PRRT3: variants seen among roughly 807,000 people sequenced by gnomAD.
The protein encoded by PRRT3 is proline-rich transmembrane protein 3.
Under a neutral mutation model 56.6 loss-of-function variants are expected in PRRT3, and 48 were observed. That is an observed-to-expected ratio of 0.85 (90% CI 0.67 to 1.08). The LOEUF (loss-of-function observed/expected upper bound fraction) is 1.08, where lower values mean the gene tolerates loss of function less well. PRRT3 is among the 50% of genes least tolerant of loss of function. The pLI, the probability that PRRT3 is intolerant of heterozygous loss-of-function variation, is 0.00. For synonymous variants in PRRT3, 641 were observed against 619.1 expected (o/e 1.04, Z -0.52); for missense variants, 1,370 against 1,353.1 (o/e 1.01, Z -0.20).
In PRRT3 at chr3:9,947,396, T is replaced by C. The variant is rs2085544821; in HGVS notation, c.1777A>G (p.Thr593Ala). Reference sequence around the variant, plus strand: ...GTCAGGAGGTTGAGCACAGACCATGTGGACAGCAGGTCTGTCGCGAGCAAC... The same window carrying C: ...GTCAGGAGGTTGAGCACAGACCATGCGGACAGCAGGTCTGTCGCGAGCAAC... ...VGLLATDLLSTWSVLNLLTQG... is the reference protein window; with the variant it reads ...VGLLATDLLSAWSVLNLLTQG... Residue 593 changes from threonine (T) to alanine (A), a missense_variant, in exon 4 of 4, where the codon ACA (threonine) becomes GCA (alanine). Transcript: ENST00000412055. The surrounding 1 kb of genome is among the most constrained non-coding windows in gnomAD (Gnocchi z 9.2). 6.2e-7 allele frequency: 1 copy of C among 1,612,230 alleles called. No homozygotes were observed. Among genetic ancestry groups the C allele is most frequent in the South Asian group, 1.1e-5 (1 of 91,078 alleles).
Position 9,947,170 on chromosome 3 carries a change from A to G in PRRT3, c.2003T>C (p.Val668Ala). The change falls in exon 4 of 4, where the codon GTG becomes GCG. Residue 668 changes from valine to alanine, a missense_variant. Physicochemically the swap from Val to Ala is moderately conservative, Grantham distance 64. Transcript: ENST00000412055. The surrounding 1 kb of genome is among the most constrained non-coding windows in gnomAD (Gnocchi z 9.2). Reference protein sequence around the residue: ...ALWLYPGPGRVGRFSWAWWGV... With the variant: ...ALWLYPGPGRAGRFSWAWWGV... ...CCACCAGGCCCACGAGAAGCGGCCCACGCGGCCTGGGCCCGGGTACAGCCA... is the reference window on the plus strand; with the variant it reads ...CCACCAGGCCCACGAGAAGCGGCCCGCGCGGCCTGGGCCCGGGTACAGCCA... 1.3e-6 allele frequency: 2 copies of G among 1,533,622 alleles called. No homozygotes were observed. The highest frequency in any genetic ancestry group is 1.7e-6 in the Non-Finnish European group (2 of 1,145,684).
chr3:9,948,430 TG>T, intron 3 of PRRT3: 2 of 431,754 alleles, frequency 4.6e-6, no homozygotes, highest in East Asian at 7.3e-5. Context: ...CCAGGACAAG[TG>T]ATCTCCCACC....
chr3:9,950,110 G>A lies in PRRT3; in HGVS notation c.6C>T (p.Ala2=). ...CACATACACAGCCCCATGGGCTGGA[G>A]GCCATGGTCTACTCCGATGCCTGGG... M[A]SSPWGCVCGL... Residue 2 remains alanine (A), a synonymous_variant, in exon 2 of 4, where the codon GCC becomes GCT. Coordinates refer to ENST00000412055, the MANE Select transcript of PRRT3 (RefSeq NM_207351.5). 1 of 1,477,610 alleles carries A rather than the reference G, an allele frequency of 6.8e-7. No individual in the cohort carries two copies. The allele number at this position is 1,477,610 out of a possible 1,614,324, so 91.5% of individuals were successfully genotyped here.
rs1018419410 is a variant in PRRT3, at chr3:9,945,593, C to T, written c.*634G>A. On this transcript the variant is annotated 3_prime_UTR_variant, in exon 4 of 4. Transcript: ENST00000412055. ...GCACAAAGAGGACAATCTAGACAAG[C>T]GAGGCTCATCACTCCACGTTGGGGA... is the stretch of plus-strand genomic sequence containing the variant. 5.9e-5 allele frequency: 9 copies of T among 152,926 alleles called. No homozygotes were observed. Among genetic ancestry groups the T allele is most frequent in the Non-Finnish European group, 7.3e-5 (5 of 68,314 alleles). 9.5% of individuals were successfully genotyped at this position (152,926 alleles called of 1,614,324 possible).
Position 9,949,952 on chromosome 3 carries a change from G to A in PRRT3, c.164C>T (p.Pro55Leu). Residue 55 changes from proline (P) to leucine (L), a missense_variant, in exon 2 of 4, where the codon CCC (proline) becomes CTC (leucine). Physicochemically the swap from Pro to Leu is moderately conservative, Grantham distance 98. Transcript: ENST00000412055. The surrounding 1 kb of genome is among the most constrained non-coding windows in gnomAD (Gnocchi z 4.5). ...AHPKGSVGSE[P>L]QAFDVFPENP... is the part of the protein sequence containing the mutation. Reference sequence around the variant, plus strand: ...CTCCGGGAACACGTCAAAGGCCTGGGGCTCTGAGCCCACAGAGCCCTTGGG... The same window carrying A: ...CTCCGGGAACACGTCAAAGGCCTGGAGCTCTGAGCCCACAGAGCCCTTGGG... 1.3e-6 allele frequency: 2 copies of A among 1,588,156 alleles called. No homozygotes were observed. Among genetic ancestry groups the A allele is most frequent in the African/African-American group, 1.4e-5 (1 of 73,620 alleles).
In PRRT3 at chr3:9,948,910, C is replaced by G. The variant is rs1254262760; in HGVS notation, c.1019G>C (p.Arg340Thr). 1.9e-6 allele frequency: 3 copies of G among 1,572,326 alleles called. No individual in the cohort carries two copies. The highest frequency in any genetic ancestry group is 1.4e-5 in the African/African-American group (1 of 73,250). Residue 340 changes from arginine to threonine, a missense_variant, in exon 3 of 4, where the codon AGA becomes ACA. Coordinates refer to ENST00000412055, the MANE Select transcript of PRRT3 (RefSeq NM_207351.5). ...GGGGTCTGCTCCATTCATTGCTGCT[C>G]TCTCTGAAATGACAAAGCAGTCATC... ...EAPDRPSKPE[R>T]AAMNGADPIS...
In PRRT3 at chr3:9,947,892, G is replaced by A; in HGVS notation, c.1281C>T (p.Ala427=). Reference sequence around the variant, plus strand: ...GCTCCGGAGGGGGAGGCTGGCCCAGGGCTCGCTGCGTGGTGACTCGAATGA... The same window carrying A: ...GCTCCGGAGGGGGAGGCTGGCCCAGAGCTCGCTGCGTGGTGACTCGAATGA... The part of the protein sequence containing the change: ...RGLIRVTTQR[A]LGQPPPPEPT... Residue 427 remains alanine (A), a synonymous_variant, in exon 4 of 4, where the codon GCC becomes GCT. Transcript: ENST00000412055. The surrounding 1 kb of genome is among the most constrained non-coding windows in gnomAD (Gnocchi z 9.2). The A allele has an allele frequency of 7.0e-7, 1 of 1,428,560 alleles. No homozygotes were observed. The highest frequency in any genetic ancestry group is 9.1e-7 in the Non-Finnish European group (1 of 1,093,014). The allele number at this position is 1,428,560 out of a possible 1,614,324, so 88.5% of individuals were successfully genotyped here. A position where few individuals can be genotyped will look rare whatever the true frequency, so the allele number is the denominator to read the frequency against.
chr3:9,947,957 C>T lies in PRRT3; in HGVS notation c.1216G>A (p.Ala406Thr). The change falls in exon 4 of 4, where the codon GCA becomes ACA. Residue 406 changes from alanine (A) to threonine (T), a missense_variant. Ala to Thr is a moderately conservative substitution (Grantham distance 58). Coordinates refer to ENST00000412055, the MANE Select transcript of PRRT3 (RefSeq NM_207351.5). The surrounding 1 kb of genome is among the most constrained non-coding windows in gnomAD (Gnocchi z 9.2). Reference protein sequence around the residue: ...WPGRPQSHPPAPPVQAPSTSR... With the variant: ...WPGRPQSHPPTPPVQAPSTSR... ...GTCGAGGGGGCCTGGACTGGGGGTG[C>T]TGGGGGATGGCTTTGGGGGCGCCCC... The T allele has an allele frequency of 7.2e-7, 1 of 1,379,854 alleles. No homozygotes were observed. The highest frequency in any genetic ancestry group is 2.8e-5 in the East Asian group (1 of 36,236). 85.5% of individuals were successfully genotyped at this position (1,379,854 alleles called of 1,614,324 possible).
chr3:9,950,104 G>GTTGGA lies in PRRT3; in HGVS notation c.11_12insTCCAA (p.Trp6ThrfsTer38). Reference sequence around the variant, plus strand: ...GAAGGCCACATACACAGCCCCATGGGCTGGAGGCCATGGTCTACTCCGATG... The same window carrying GTTGGA: ...GAAGGCCACATACACAGCCCCATGGGTTGGACTGGAGGCCATGGTCTACTCCGATG... On this transcript the variant is annotated frameshift_variant, in exon 2 of 4. Coordinates refer to ENST00000412055, the MANE Select transcript of PRRT3 (RefSeq NM_207351.5). LOFTEE classifies it high-confidence loss of function. 6.7e-7 allele frequency: 1 copy of GTTGGA among 1,483,332 alleles called. No individual in the cohort carries two copies. The highest frequency in any genetic ancestry group is 1.5e-5 in the South Asian group (1 of 65,048). The allele number at this position is 1,483,332 out of a possible 1,614,324, so 91.9% of individuals were successfully genotyped here.
rs1187700762 is a variant in PRRT3 at position 9,949,853 on chromosome 3, A to G, written c.263T>C (p.Val88Ala). 1 of 1,613,660 alleles carries G rather than the reference A, an allele frequency of 6.2e-7. No individual in the cohort carries two copies. Among genetic ancestry groups the G allele is most frequent in the South Asian group, 1.1e-5 (1 of 91,062 alleles). ...CAGGGCTGGGCCAAGGGGAGAGGCT[A>G]CAGGCTTCTCAGGCATCTCTTCAGC... ...APAEEMPEKP[V>A]ASPLGPALYG... is the part of the protein sequence containing the mutation. The change falls in exon 2 of 4, where the codon GTA becomes GCA. Residue 88 changes from valine to alanine, a missense_variant. Coordinates refer to ENST00000412055, the MANE Select transcript of PRRT3 (RefSeq NM_207351.5). The surrounding 1 kb of genome is among the most constrained non-coding windows in gnomAD (Gnocchi z 4.5).
Position 9,947,500 on chromosome 3 carries a change from A to C in PRRT3, c.1673T>G (p.Leu558Arg), listed in dbSNP as rs1199807288. Reference sequence around the variant, plus strand: ...TGGCGGCAGCCCCGCGCCCAGGCCGAGCAGAGTCAGGGCTGCCAGCGCCGT... The same window carrying C: ...TGGCGGCAGCCCCGCGCCCAGGCCGCGCAGAGTCAGGGCTGCCAGCGCCGT... ...LLTALAALTL[L>R]GLGAGLPPPL... is the part of the protein sequence containing the mutation. Residue 558 changes from leucine (L) to arginine (R), a missense_variant, in exon 4 of 4, where the codon CTC becomes CGC. Transcript: ENST00000412055. This position sits in a 1 kb window ranked among gnomAD's most constrained non-coding sequence, Gnocchi z 9.2. 1 of 1,611,968 alleles carries C rather than the reference A, an allele frequency of 6.2e-7. No homozygotes were observed. Among genetic ancestry groups the C allele is most frequent in the Non-Finnish European group, 8.5e-7 (1 of 1,179,598 alleles).
At chr3:9,950,593 C>A (rs1559344809) in intron 1 of PRRT3, among the ~76,000 whole-genome samples, 2 of 152,230 alleles carry the variant, frequency 1.3e-5, no homozygotes, top group South Asian at 4.1e-4. Flanking sequence ...ACCTCCACCT[C>A]CCAGGTTCAA....
At position 9,947,651 on chromosome 3, in the gene PRRT3, C is replaced by A; in HGVS notation, c.1522G>T (p.Val508Leu). 1 of 1,571,370 alleles carries A rather than the reference C, an allele frequency of 6.4e-7. No individual in the cohort carries two copies. The highest frequency in any genetic ancestry group is 8.6e-7 in the Non-Finnish European group (1 of 1,160,354). ...AGCGCCGAAGCCACGAGCACCAGCA[C>A]CGCGGCCACCAATGCCAGCCGGGGC... ...AGPRLALVAA[V>L]LVLVASALRS... The change falls in exon 4 of 4, where the codon GTG (valine) becomes TTG (leucine). Residue 508 changes from valine (V) to leucine (L), a missense_variant. Coordinates refer to ENST00000412055, the MANE Select transcript of PRRT3 (RefSeq NM_207351.5). The surrounding 1 kb of genome is among the most constrained non-coding windows in gnomAD (Gnocchi z 9.2).
chr3:9,947,187 G>A lies in PRRT3; in HGVS notation c.1986C>T (p.Tyr662=), dbSNP rs2085540493. ...GLQLAAALWL[Y]PGPGRVGRFS... ...AGCGGCCCACGCGGCCTGGGCCCGG[G>A]TACAGCCAGAGCGCAGCCGCCAGCT... Residue 662 remains tyrosine, a synonymous_variant, in exon 4 of 4, where the codon TAC becomes TAT. Transcript: ENST00000412055. The surrounding 1 kb of genome is among the most constrained non-coding windows in gnomAD (Gnocchi z 9.2). 2.0e-6 allele frequency: 3 copies of A among 1,529,858 alleles called. No individual in the cohort carries two copies. Among genetic ancestry groups the A allele is most frequent in the Non-Finnish European group, 2.6e-6 (3 of 1,144,252 alleles). 94.8% of individuals were successfully genotyped at this position (1,529,858 alleles called of 1,614,324 possible).
In PRRT3 at chr3:9,945,821, C is replaced by CTTTTT. The variant is rs71052278; in HGVS notation, c.*401_*405dup. On this transcript the variant is annotated 3_prime_UTR_variant, in exon 4 of 4. Coordinates refer to ENST00000412055, the MANE Select transcript of PRRT3 (RefSeq NM_207351.5). ...GTCAGGTAGAGAGGCCTGGGGATGCCTTTTTTTTTTTTTTTTTTTTTTTTT... is the reference window on the plus strand; with the variant it reads ...GTCAGGTAGAGAGGCCTGGGGATGCCTTTTTTTTTTTTTTTTTTTTTTTTTTTTTT... The CTTTTT allele has an allele frequency of 8.8e-5, 5 of 56,980 alleles. No individual in the cohort carries two copies. Among genetic ancestry groups the CTTTTT allele is most frequent in the African/African-American group, 2.6e-4 (4 of 15,606 alleles). The allele number at this position is 56,980 out of a possible 1,614,324, so 3.5% of individuals were successfully genotyped here.
chr3:9,947,335 G>C lies in PRRT3; in HGVS notation c.1838C>G (p.Ala613Gly). ...ACGGCACAGGCAGAGCGTGCCCAGA[G>C]CCACGGCCGCGCCCCAGGCGCACGA... ...GLSCAWGAAV[A>G]LGTLCLCRRR... The change falls in exon 4 of 4, where the codon GCT becomes GGT. Residue 613 changes from alanine to glycine, a missense_variant. Physicochemically the swap from Ala to Gly is moderately conservative, Grantham distance 60. Coordinates refer to ENST00000412055, the MANE Select transcript of PRRT3 (RefSeq NM_207351.5). This position sits in a 1 kb window ranked among gnomAD's most constrained non-coding sequence, Gnocchi z 9.2. 1 of 1,607,484 alleles carries C rather than the reference G, an allele frequency of 6.2e-7. No homozygotes were observed. Among genetic ancestry groups the C allele is most frequent in the Non-Finnish European group, 8.5e-7 (1 of 1,178,316 alleles).
In PRRT3 at chr3:9,950,105, C is replaced by G. The variant is rs748738177; in HGVS notation, c.11G>C (p.Ser4Thr). The stretch of plus-strand genomic sequence containing the variant: ...AAGGCCACATACACAGCCCCATGGG[C>G]TGGAGGCCATGGTCTACTCCGATGC... MAS[S>T]PWGCVCGLLL... is the part of the protein sequence containing the mutation. The change falls in exon 2 of 4, where the codon AGC becomes ACC. Residue 4 changes from serine (S) to threonine (T), a missense_variant. Transcript: ENST00000412055. The G allele has an allele frequency of 7.0e-5, 104 of 1,482,902 alleles. No individual in the cohort carries two copies. The highest frequency in any genetic ancestry group is 8.3e-5 in the Non-Finnish European group (93 of 1,117,524). 91.9% of individuals were successfully genotyped at this position (1,482,902 alleles called of 1,614,324 possible).
rs2085633447 is a variant in PRRT3 at position 9,952,361 on chromosome 3, C to G, written c.-97G>C. On this transcript the variant is annotated 5_prime_UTR_variant, in exon 1 of 4. Transcript: ENST00000412055. Reference sequence around the variant, plus strand: ...CCCCGTGTTCACCTTGCGCGCGTCCCTGCAGCCGATCGCCGCGCCGCATCC... The same window carrying G: ...CCCCGTGTTCACCTTGCGCGCGTCCGTGCAGCCGATCGCCGCGCCGCATCC... The G allele has an allele frequency of 1.3e-5, 2 of 152,244 alleles. No homozygotes were observed. Among genetic ancestry groups the G allele is most frequent in the Non-Finnish European group, 2.9e-5 (2 of 68,064 alleles). The allele number at this position is 152,244 out of a possible 1,614,324, so 9.4% of individuals were successfully genotyped here.
rs1261602457 is a variant in PRRT3, at chr3:9,946,324, G to C, written c.2849C>G (p.Ser950Cys). 44 of 1,612,596 alleles carry C rather than the reference G, an allele frequency of 2.7e-5. No homozygotes were observed. Among genetic ancestry groups the C allele is most frequent in the Non-Finnish European group, 3.7e-5 (44 of 1,179,746 alleles). The change falls in exon 4 of 4, where the codon TCT becomes TGT. Residue 950 changes from serine (S) to cysteine (C), a missense_variant. By Grantham distance (112) the Ser-to-Cys change is moderately radical. Coordinates refer to ENST00000412055, the MANE Select transcript of PRRT3 (RefSeq NM_207351.5). The surrounding 1 kb of genome is among the most constrained non-coding windows in gnomAD (Gnocchi z 4.1). ...LLPAPTPAPD[S>C]TAARQGDGQG... ...GCCGTCCCCCTGCCGAGCGGCGGTA[G>C]AATCAGGGGCTGGGGTCGGGGCAGG...
Sources: allele counts gnomAD v4.1 joint callset (sites outside exome capture counted in the v4.1 genomes callset), GRCh38; gene constraint gnomAD v4.1.1; non-coding constraint Gnocchi (gnomAD v3.1); transcripts MANE v1.5; gene names NCBI Gene and HGNC (gene_info 2026-07-23, HGNC 2026-07-21).